The following MSANTD5 variants were observed in gnomAD, a reference collection of about 807,000 sequenced individuals.
MSANTD5 encodes the protein uncharacterized protein MSANTD5.
chr5:178,704,084 A>T, the MSANTD5 span, among the ~76,000 whole-genome samples: 2 of 152,138 alleles, frequency 1.3e-5, no homozygotes, highest in Admixed American at 1.3e-4. Context: ...ATTATCACTT[A>T]TATACCCCAA....
At chr5:178,703,448 C>T in the MSANTD5 span, among the ~76,000 whole-genome samples, 14 of 152,320 alleles carry the variant, frequency 9.2e-5, no homozygotes, top group Admixed American at 9.1e-4. Context: ...CTGCGACTTT[C>T]AAGCCTAATG....
chr5:178,693,837 C>T (rs184775593), downstream of MSANTD5, among the ~76,000 whole-genome samples: 2 of 151,988 alleles, frequency 1.3e-5, 1 homozygote, highest in African/African-American at 4.8e-5. Context: ...CAGAAAAGTT[C>T]TCCAAGTCCC....
chr5:178,706,850 G>T, the MSANTD5 span: 1 of 152,116 alleles, frequency 6.6e-6, no homozygotes, highest in African/African-American at 2.4e-5. Flanking sequence ...GGCAGTGGCG[G>T]TATGCGGGAC....
At chr5:178,701,390 G>A (rs1041137707), upstream of MSANTD5, among the ~76,000 whole-genome samples, 1 of 152,052 alleles carries the variant, frequency 6.6e-6, no homozygotes, top group African/African-American at 2.4e-5. Context: ...TTGGAAACTA[G>A]TAGGGCAACA....
At chr5:178,696,906 C>G (rs1309139704) in intron 1 of MSANTD5, among the ~76,000 whole-genome samples, 1 of 151,938 alleles carries the variant, frequency 6.6e-6, no homozygotes, top group Non-Finnish European at 1.5e-5. Context: ...GGGAAAACAC[C>G]GCGAGAAAGG....
chr5:178,700,814 G>A (rs957374349), upstream of MSANTD5, among the ~76,000 whole-genome samples: 3 of 152,160 alleles, frequency 2.0e-5, no homozygotes, highest in Non-Finnish European at 2.9e-5. Flanking sequence ...TAAGTGCCAC[G>A]GAATCTCTGG....
At chr5:178,697,334 G>A (rs933537047) in intron 1 of MSANTD5, among the ~76,000 whole-genome samples, 8 of 151,764 alleles carry the variant, frequency 5.3e-5, no homozygotes, top group South Asian at 4.1e-4. Context: ...GGCGCCTGTA[G>A]TCCCAGCTAC....
At chr5:178,704,550 C>T in the MSANTD5 span, among the ~76,000 whole-genome samples, 1 of 152,120 alleles carries the variant, frequency 6.6e-6, no homozygotes, top group African/African-American at 2.4e-5. Flanking sequence ...ATAACATAGC[C>T]AGTTTGTGGA....
At chr5:178,707,445 G>A in the MSANTD5 span, among the ~76,000 whole-genome samples, 4 of 151,044 alleles carry the variant, frequency 2.6e-5, no homozygotes, top group African/African-American at 4.9e-5. Context: ...CTGGCGGGGC[G>A]CGGTGGCTCA....
chr5:178,697,187 G>A (rs1765421300), intron 1 of MSANTD5, among the ~76,000 whole-genome samples: 1 of 152,208 alleles, frequency 6.6e-6, no homozygotes, highest in South Asian at 2.1e-4. Context: ...GGATAAGGTG[G>A]CTCACGCCTG....
At chr5:178,698,251 A>G (rs960769234), upstream of MSANTD5, among the ~76,000 whole-genome samples, 3 of 152,188 alleles carry the variant, frequency 2.0e-5, no homozygotes, top group African/African-American at 7.2e-5. Context: ...TTCGCTTTAC[A>G]AGAGGACAGA....
At chr5:178,697,305 T>G (rs1445059420) in intron 1 of MSANTD5, among the ~76,000 whole-genome samples, 1 of 150,806 alleles carries the variant, frequency 6.6e-6, no homozygotes, top group Non-Finnish European at 1.5e-5. Context: ...ATACAAAAAA[T>G]TAGCCGGGCG....
chr5:178,695,864 G>A (rs1326362366), intron 2 of MSANTD5, among the ~76,000 whole-genome samples: 1 of 152,114 alleles, frequency 6.6e-6, no homozygotes, highest in Non-Finnish European at 1.5e-5. Context: ...AGGGTGTGAT[G>A]GCATATTTGC....
At chr5:178,693,645 T>G (rs1765379792), downstream of MSANTD5, among the ~76,000 whole-genome samples, 1 of 152,056 alleles carries the variant, frequency 6.6e-6, no homozygotes. Context: ...CTGAGCACCT[T>G]GCATCTGCTG....
At chr5:178,692,205 C>A (rs1194249974), downstream of MSANTD5, among the ~76,000 whole-genome samples, 2 of 135,026 alleles carry the variant, frequency 1.5e-5, 1 homozygote, top group African/African-American at 5.3e-5. Context: ...TATGGTGAAA[C>A]CCTCTCTCTA....
chr5:178,700,292 T>C (rs566607313), upstream of MSANTD5, among the ~76,000 whole-genome samples: 4 of 152,272 alleles, frequency 2.6e-5, 1 homozygote, highest in South Asian at 6.2e-4. Flanking sequence ...AAATTGTGGA[T>C]CTTGTCTACA....
At chr5:178,701,161 T>C (rs1028920159), upstream of MSANTD5, among the ~76,000 whole-genome samples, 2 of 152,064 alleles carry the variant, frequency 1.3e-5, no homozygotes, top group African/African-American at 4.8e-5. Flanking sequence ...ATTTTTTTAG[T>C]AGAGACGGGG....
the MSANTD5 span, among the ~76,000 whole-genome samples, chr5:178,703,917 G>C: frequency 6.6e-6 from 1 of 150,390 alleles, no homozygotes; most frequent in African/African-American, 2.5e-5. Flanking sequence ...GGAGGCAGAC[G>C]TTGCAGTGAG....
chr5:178,703,976 G>A, the MSANTD5 span, among the ~76,000 whole-genome samples: 4 of 137,320 alleles, frequency 2.9e-5, no homozygotes, highest in Non-Finnish European at 4.6e-5. Flanking sequence ...GCAAGACTCC[G>A]TCTCAAAAAA....
Sources: allele counts gnomAD v4.1 joint callset (sites outside exome capture counted in the v4.1 genomes callset), GRCh38; gene constraint gnomAD v4.1.1; transcripts MANE v1.5; gene names NCBI Gene and HGNC (gene_info 2026-07-23, HGNC 2026-07-21).